The following PLCL1 variants were observed in gnomAD, a reference collection of about 807,000 sequenced individuals.
The protein encoded by PLCL1 is inactive phospholipase C-like protein 1.
Under a neutral mutation model 84.4 loss-of-function variants are expected in PLCL1, and 41 were observed. That is an observed-to-expected ratio of 0.49 (90% CI 0.38 to 0.63). PLCL1 has a LOEUF of 0.63. Ranked by LOEUF, PLCL1 falls within the 30% of genes least tolerant of loss-of-function variation. The probability of loss-of-function intolerance (pLI) is 0.00; values close to 1 mark genes in which losing one functional copy is unlikely to be tolerated. For missense variants in PLCL1, 1,206 were observed against 1,367.8 expected, an observed-to-expected ratio of 0.88 and a Z score of 1.87; for synonymous variants, 490 against 488.3, an observed-to-expected ratio of 1.00 and a Z score of -0.05.
intron 1 of PLCL1, among the ~76,000 whole-genome samples, chr2:197,821,621 A>C (rs577055144): frequency 2.0e-5 from 3 of 152,232 alleles, no homozygotes; most frequent in Non-Finnish European, 4.4e-5. Flanking sequence ...GGGGATGAGG[A>C]AAGTGGAGAG....
intron 1 of PLCL1, among the ~76,000 whole-genome samples, chr2:198,006,402 A>G (rs1690729062): frequency 6.6e-6 from 1 of 152,146 alleles, no homozygotes; most frequent in Non-Finnish European, 1.5e-5. Flanking sequence ...ATCAAGATAA[A>G]TTTGAATTTC....
chr2:197,880,334 A>G (rs1432067175), intron 1 of PLCL1, among the ~76,000 whole-genome samples: 1 of 152,114 alleles, frequency 6.6e-6, no homozygotes, highest in Non-Finnish European at 1.5e-5. Flanking sequence ...TTTCCCCAAC[A>G]GTGAAATTTT....
At chr2:197,929,768 A>G (rs1273850610) in intron 1 of PLCL1, among the ~76,000 whole-genome samples, 1 of 152,134 alleles carries the variant, frequency 6.6e-6, no homozygotes, top group African/African-American at 2.4e-5. Context: ...TGACACAGAG[A>G]CTTTCCTTTA....
In PLCL1 at chr2:197,830,928, A is replaced by G. The variant is rs572561024; in HGVS notation, c.240+25589A>G. Among the ~76,000 whole-genome samples the G allele has an allele frequency of 7.4e-4, 112 of 152,244 alleles. 1 individual carries two copies. Among genetic ancestry groups the G allele is most frequent in the African/African-American group, 2.6e-3 (110 of 41,548 alleles). ...TATCCAGCCAAACTAAGCTTCATAA[A>G]TGAAGGAGAAATAAAATCCTTTACA... On this transcript the variant is annotated intron_variant, in intron 1 of 5. Coordinates refer to ENST00000428675, the MANE Select transcript of PLCL1 (RefSeq NM_006226.4).
intron 1 of PLCL1, among the ~76,000 whole-genome samples, chr2:197,927,662 C>A (rs1420632851): frequency 1.3e-5 from 2 of 152,174 alleles, no homozygotes; most frequent in East Asian, 3.9e-4. Context: ...GATTTAGAAA[C>A]CTCTCTGGCT....
chr2:197,981,671 C>G (rs1370960906), intron 1 of PLCL1, among the ~76,000 whole-genome samples: 1 of 152,028 alleles, frequency 6.6e-6, no homozygotes, highest in Non-Finnish European at 1.5e-5. Context: ...ATCAAGGGCC[C>G]GAAATGTCTG....
chr2:197,953,280 C>G (rs1689423401), intron 1 of PLCL1, among the ~76,000 whole-genome samples: 1 of 152,032 alleles, frequency 6.6e-6, no homozygotes, highest in Non-Finnish European at 1.5e-5. Context: ...AAGACACTTA[C>G]CAGTGCTGCT....
At chr2:197,855,291 C>T (rs1161984843) in intron 1 of PLCL1, among the ~76,000 whole-genome samples, 1 of 152,246 alleles carries the variant, frequency 6.6e-6, no homozygotes, top group East Asian at 1.9e-4. Context: ...TGCCCTTTTT[C>T]CTGGCACACT....
At chr2:198,102,655 A>T (rs560265014) in intron 4 of PLCL1, among the ~76,000 whole-genome samples, 12 of 152,068 alleles carry the variant, frequency 7.9e-5, no homozygotes, top group Non-Finnish European at 1.5e-5. Flanking sequence ...TTTAAAGAAG[A>T]GTTTCATTGG....
chr2:197,936,493 T>G lies in PLCL1; in HGVS notation c.240+131154T>G, dbSNP rs897258427. On this transcript the variant is annotated intron_variant, in intron 1 of 5. Coordinates refer to ENST00000428675, the MANE Select transcript of PLCL1 (RefSeq NM_006226.4). ...TATTTTGGTTTAATTTGCATTTTCT[T>G]GATGATTAGTGATGTTGAACATGTT... Among the ~76,000 whole-genome samples the G allele has an allele frequency of 1.3e-4, 20 of 152,162 alleles. 1 individual carries two copies. The highest frequency in any genetic ancestry group is 6.5e-5 in the Admixed American group (1 of 15,274).
At chr2:197,971,014 G>T (rs1689852671) in intron 1 of PLCL1, among the ~76,000 whole-genome samples, 1 of 152,154 alleles carries the variant, frequency 6.6e-6, no homozygotes, top group African/African-American at 2.4e-5. Context: ...GAAGGCTGGG[G>T]TTATGCCCAT....
chr2:197,874,912 A>G (rs781485794), intron 1 of PLCL1, among the ~76,000 whole-genome samples: 1 of 152,192 alleles, frequency 6.6e-6, no homozygotes, highest in Non-Finnish European at 1.5e-5. Context: ...GATGAAAATG[A>G]GTGAACTATA....
At chr2:198,093,065 A>T (rs187575337) in intron 3 of PLCL1, among the ~76,000 whole-genome samples, 1 of 152,318 alleles carries the variant, frequency 6.6e-6, no homozygotes, top group Admixed American at 6.5e-5. Flanking sequence ...ATATTTGGCT[A>T]AAAAACTTAC....
chr2:197,950,722 C>G (rs1689373786), intron 1 of PLCL1, among the ~76,000 whole-genome samples: 1 of 152,092 alleles, frequency 6.6e-6, no homozygotes, highest in Non-Finnish European at 1.5e-5. Context: ...TTTACTGAGT[C>G]TATTTTGCTA....
At chr2:198,014,624 A>G in intron 1 of PLCL1, among the ~76,000 whole-genome samples, 1 of 152,036 alleles carries the variant, frequency 6.6e-6, no homozygotes, top group Non-Finnish European at 1.5e-5. Context: ...AAAAATATAT[A>G]ATACTGAATT....
chr2:198,060,274 G>A (rs1403570696), intron 1 of PLCL1, among the ~76,000 whole-genome samples: 1 of 152,132 alleles, frequency 6.6e-6, no homozygotes, highest in Non-Finnish European at 1.5e-5. Flanking sequence ...ACGGTAATGG[G>A]CAGTGGAACC....
intron 1 of PLCL1, among the ~76,000 whole-genome samples, chr2:197,995,258 G>C (rs1029456751): frequency 1.3e-5 from 2 of 152,074 alleles, no homozygotes; most frequent in African/African-American, 2.4e-5. Context: ...CCCATTTGGA[G>C]AACCAGACTG....
Position 198,103,828 on chromosome 2 carries a change from G to A in PLCL1, c.2997G>A (p.Gly999=), listed in dbSNP as rs1214851737. 1.3e-6 allele frequency: 2 copies of A among 1,564,576 alleles called. No individual in the cohort carries two copies. The highest frequency in any genetic ancestry group is 1.7e-5 in the Admixed American group (1 of 57,800). ...TTCTTATGCATTCTTTCTTCAAAGG[G>A]ATGGAGTTCCATGAAGAACTTCATA... is the stretch of plus-strand genomic sequence containing the variant. ...QEKIVQCQKA[G]MEFHEELHNL... The change falls in exon 5 of 6, where the codon GGG becomes GGA. Residue 999 remains glycine (G), a splice_region_variant and synonymous_variant. Transcript: ENST00000428675.
chr2:197,870,218 G>A (rs1687625775), intron 1 of PLCL1, among the ~76,000 whole-genome samples: 3 of 152,114 alleles, frequency 2.0e-5, no homozygotes, highest in Admixed American at 1.3e-4. Context: ...GCTAAGGGGA[G>A]CTTTGCTGCT....
Sources: gnomAD v4.1 joint callset for allele counts (sites outside exome capture counted in the v4.1 genomes callset) on GRCh38, gnomAD v4.1.1 for gene constraint, MANE v1.5 for transcripts, NCBI Gene and HGNC (gene_info 2026-07-23, HGNC 2026-07-21) for gene names.